Variants in DPP10 observed in about 807,000 individuals in gnomAD.
DPP10 encodes the protein inactive dipeptidyl peptidase 10.
DPP10 carries 33 observed loss-of-function variants against 120.9 expected under a neutral mutation model. The observed-to-expected ratio is 0.27, with a 90% CI of 0.21 to 0.37. The LOEUF is 0.37. Among genes scored for constraint, DPP10 ranks in the 10% least tolerant of loss-of-function variants. The probability of loss-of-function intolerance (pLI) is 1.00; values close to 1 mark genes in which losing one functional copy is unlikely to be tolerated. For missense variants in DPP10, 816 were observed against 942.8 expected, an observed-to-expected ratio of 0.87 and a Z score of 1.76; for synonymous variants, 337 against 326.1, an observed-to-expected ratio of 1.03 and a Z score of -0.36.
intron 1 of DPP10, among the ~76,000 whole-genome samples, chr2:115,212,556 G>A (rs191579300): frequency 2.0e-5 from 3 of 152,170 alleles, no homozygotes; most frequent in East Asian, 3.9e-4. Flanking sequence ...TATGTTGCAC[G>A]ATATTTTTGT....
chr2:114,586,934 A>G (rs1280967165), intron 1 of DPP10, among the ~76,000 whole-genome samples: 1 of 152,200 alleles, frequency 6.6e-6, no homozygotes, highest in Non-Finnish European at 1.5e-5. Flanking sequence ...CTTCTCCAGA[A>G]GCAGATGCTG....
At chr2:115,165,870 T>G (rs112158909) in intron 1 of DPP10, among the ~76,000 whole-genome samples, 6 of 152,178 alleles carry the variant, frequency 3.9e-5, no homozygotes, top group African/African-American at 1.4e-4. Flanking sequence ...AAAAAGCATA[T>G]TTTTAAAAGC....
intron 1 of DPP10, among the ~76,000 whole-genome samples, chr2:114,898,541 T>C (rs1259395008): frequency 6.6e-6 from 1 of 151,978 alleles, no homozygotes; most frequent in Non-Finnish European, 1.5e-5. Context: ...AGGAAATAAA[T>C]AGTATAGTTT....
At chr2:115,710,763 G>A (rs533419358) in intron 7 of DPP10, among the ~76,000 whole-genome samples, 3 of 151,882 alleles carry the variant, frequency 2.0e-5, no homozygotes, top group Non-Finnish European at 2.9e-5. Flanking sequence ...AGATGTATTC[G>A]CTTGGTAGCT....
At chr2:115,334,979 C>T (rs757387221) in intron 2 of DPP10, among the ~76,000 whole-genome samples, 4 of 151,080 alleles carry the variant, frequency 2.6e-5, no homozygotes, top group Admixed American at 6.6e-5. Context: ...AAGATATACC[C>T]GAGACTGGGA....
chr2:114,937,244 C>A (rs1167369058), intron 1 of DPP10, among the ~76,000 whole-genome samples: 1 of 151,962 alleles, frequency 6.6e-6, no homozygotes, highest in East Asian at 1.9e-4. Flanking sequence ...AGGTCTAATC[C>A]AACTTGAGTT....
chr2:115,631,991 G>T (rs2085911457), intron 5 of DPP10, among the ~76,000 whole-genome samples: 1 of 152,080 alleles, frequency 6.6e-6, no homozygotes, highest in Non-Finnish European at 1.5e-5. Context: ...GTGATGATCT[G>T]TCTTATATTG....
chr2:114,490,455 G>A (rs1239801981), intron 1 of DPP10, among the ~76,000 whole-genome samples: 1 of 152,166 alleles, frequency 6.6e-6, no homozygotes, highest in Non-Finnish European at 1.5e-5. Flanking sequence ...GGAAGAAGGA[G>A]AGAGAAAGCA....
chr2:115,520,932 T>G (rs2077766437), intron 4 of DPP10, among the ~76,000 whole-genome samples: 2 of 152,126 alleles, frequency 1.3e-5, no homozygotes, highest in Admixed American at 1.3e-4. Context: ...AAGATGTAAA[T>G]TGCAGTTCCA....
intron 1 of DPP10, among the ~76,000 whole-genome samples, chr2:115,063,766 T>C (rs1323772480): frequency 6.6e-6 from 1 of 152,110 alleles, no homozygotes; most frequent in Non-Finnish European, 1.5e-5. Flanking sequence ...AAAAATTAAC[T>C]CAAGATGGAT....
Position 115,842,678 on chromosome 2 carries a change from T to A in DPP10, c.*333T>A, listed in dbSNP as rs1690271737. The A allele has an allele frequency of 5.3e-6, 1 of 189,480 alleles. No homozygotes were observed. Among genetic ancestry groups the A allele is most frequent in the South Asian group, 1.5e-4 (1 of 6,820 alleles). 11.7% of individuals were successfully genotyped at this position (189,480 alleles called of 1,614,324 possible). ...CTAGTTGCTCTCATTTTAATTTCACTGGCCACCATCATCTTTGCATATAAT... is the reference window on the plus strand; with the variant it reads ...CTAGTTGCTCTCATTTTAATTTCACAGGCCACCATCATCTTTGCATATAAT... On this transcript the variant is annotated 3_prime_UTR_variant, in exon 26 of 26. Coordinates refer to ENST00000410059, the MANE Select transcript of DPP10 (RefSeq NM_020868.6).
At chr2:115,437,215 C>CA (rs2071577629) in intron 3 of DPP10, among the ~76,000 whole-genome samples, 1 of 152,004 alleles carries the variant, frequency 6.6e-6, no homozygotes, top group Non-Finnish European at 1.5e-5. Flanking sequence ...CTAATACCAG[C>CA]AAGGAGATTT....
intron 5 of DPP10, among the ~76,000 whole-genome samples, chr2:115,552,519 T>C (rs1240767016): frequency 6.6e-6 from 1 of 152,112 alleles, no homozygotes; most frequent in Non-Finnish European, 1.5e-5. Context: ...GTAGGTTTTA[T>C]TCATCTCCCC....
At chr2:115,412,649 TG>T (rs2069045652) in intron 3 of DPP10, among the ~76,000 whole-genome samples, 2 of 152,218 alleles carry the variant, frequency 1.3e-5, no homozygotes, top group Admixed American at 1.3e-4. Context: ...GAATTCACCT[TG>T]GCACAGGACT....
chr2:114,479,520 T>C (rs1036038854), intron 1 of DPP10, among the ~76,000 whole-genome samples: 1 of 152,122 alleles, frequency 6.6e-6, no homozygotes, highest in Non-Finnish European at 1.5e-5. Context: ...TGCAGAGATA[T>C]AGACCAATGG....
At chr2:115,150,598 T>C (rs531705348) in intron 1 of DPP10, among the ~76,000 whole-genome samples, 2 of 152,338 alleles carry the variant, frequency 1.3e-5, no homozygotes, top group South Asian at 4.1e-4. Flanking sequence ...AATATAGCTG[T>C]TATGTACTCT....
intron 3 of DPP10, among the ~76,000 whole-genome samples, chr2:115,404,402 G>A (rs547064165): frequency 7.2e-5 from 11 of 152,110 alleles, no homozygotes; most frequent in South Asian, 2.1e-4. Flanking sequence ...CAACACTGGG[G>A]ACTACAGTTC....
intron 1 of DPP10, among the ~76,000 whole-genome samples, chr2:114,501,921 AGATT>A (rs1439592948): frequency 6.8e-6 from 1 of 147,860 alleles, no homozygotes; most frequent in Admixed American, 7.1e-5. Flanking sequence ...GAAAAAACGA[AGATT>A]GATATTCCTT....
At chr2:115,351,742 T>C (rs2064050043) in intron 3 of DPP10, among the ~76,000 whole-genome samples, 1 of 152,066 alleles carries the variant, frequency 6.6e-6, no homozygotes, top group Admixed American at 6.6e-5. Flanking sequence ...AAACAAATGC[T>C]TAAAAAGCAT....
Sources: allele counts gnomAD v4.1 joint callset (sites outside exome capture counted in the v4.1 genomes callset), GRCh38; gene constraint gnomAD v4.1.1; transcripts MANE v1.5; gene names NCBI Gene and HGNC (gene_info 2026-07-23, HGNC 2026-07-21).